NUTM2G: variants seen among roughly 807,000 people sequenced by gnomAD.
NUTM2G encodes the protein NUT family member 2G.
NUTM2G carries 29 observed loss-of-function variants against 44.3 expected under a neutral mutation model. The observed-to-expected ratio is 0.66, with a 90% confidence interval of 0.49 to 0.89. The LOEUF (loss-of-function observed/expected upper bound fraction) is 0.89, where lower values mean the gene tolerates loss of function less well. Among genes scored for constraint, NUTM2G ranks in the 40% least tolerant of loss-of-function variants. NUTM2G has a pLI of 0.00. For missense variants in NUTM2G, 502 were observed against 946.5 expected, an observed-to-expected ratio of 0.53 and a Z score of 6.16; for synonymous variants, 205 against 395.9, an observed-to-expected ratio of 0.52 and a Z score of 5.72.
chr9:96,930,900 T>G (rs1184046480), intron 1 of NUTM2G, among the ~76,000 whole-genome samples: 1 of 100,630 alleles, frequency 9.9e-6, no homozygotes, highest in Non-Finnish European at 1.9e-5. Context: ...TTTTTTTTTT[T>G]TTTTTTTTTT....
In NUTM2G at chr9:96,936,516, A is replaced by C. The variant is rs1225106444; in HGVS notation, c.934A>C (p.Arg312=). The change falls in exon 4 of 7, where the codon AGG becomes CGG. Residue 312 remains arginine (R), a synonymous_variant. Transcript: ENST00000372322. ...PQSLPPPAPP[R]LEPRGPPAPE... ...GAGCCTGCCTCCTCCAGCCCCGCCG[A>C]GGCTTGAACCTCGAGGACCCCCTGC... 1.3e-6 allele frequency: 2 copies of C among 1,552,746 alleles called. No homozygotes were observed. The highest frequency in any genetic ancestry group is 1.7e-6 in the Non-Finnish European group (2 of 1,156,872).
rs763022828 is a variant in NUTM2G at position 96,937,358 on chromosome 9, T to A, written c.1277T>A (p.Leu426Gln). The A allele has an allele frequency of 4.2e-5, 68 of 1,613,708 alleles. 1 individual carries two copies. Among genetic ancestry groups the A allele is most frequent in the South Asian group, 1.8e-4 (16 of 91,074 alleles). The change falls in exon 5 of 7, where the codon CTG becomes CAG. Residue 426 changes from leucine to glutamine, a missense_variant. By Grantham distance (113) the Leu-to-Gln change is moderately radical (BLOSUM62 -2). Coordinates refer to ENST00000372322, the MANE Select transcript of NUTM2G (RefSeq NM_001170741.3). ...EDGMTSDPGL[L>Q]SYIDKLCSQE... is the part of the protein sequence containing the mutation. ...GGGATGACCTCAGACCCGGGCCTCCTGAGCTACATTGACAAGCTGTGTTCC... is the reference window on the plus strand; with the variant it reads ...GGGATGACCTCAGACCCGGGCCTCCAGAGCTACATTGACAAGCTGTGTTCC...
intron 3 of NUTM2G, 99 bp from the exon 4 acceptor site, chr9:96,936,326 G>A (rs1356957039): frequency 1.3e-5 from 20 of 1,533,788 alleles, no homozygotes; most frequent in African/African-American, 2.7e-5. Flanking sequence ...ACAGCCCGCC[G>A]GAGGCACTCC....
chr9:96,931,835 G>C lies in NUTM2G; in HGVS notation c.130G>C (p.Val44Leu). 1.9e-6 allele frequency: 3 copies of C among 1,612,280 alleles called. No homozygotes were observed. The highest frequency in any genetic ancestry group is 1.7e-6 in the Non-Finnish European group (2 of 1,179,856). Reference sequence around the variant, plus strand: ...CGGCCCAACACACAGGCCGCCCCTCGTGACTGCAGTGGTTCCTCCAGCCGG... The same window carrying C: ...CGGCCCAACACACAGGCCGCCCCTCCTGACTGCAGTGGTTCCTCCAGCCGG... ...SPGPTHRPPL[V>L]TAVVPPAGPL... The change falls in exon 2 of 7, where the codon GTG becomes CTG. Residue 44 changes from valine to leucine, a missense_variant. Val to Leu is a conservative substitution (Grantham distance 32). Coordinates refer to ENST00000372322, the MANE Select transcript of NUTM2G (RefSeq NM_001170741.3).
intron 4 of NUTM2G, 73 bp downstream of exon 4, chr9:96,936,637 T>C (rs2257640): frequency 8.9e-5 from 135 of 1,509,270 alleles, no homozygotes; most frequent in African/African-American, 8.2e-4. Context: ...TGTCCCCACA[T>C]CCCATGCTTC....
Position 96,936,447 on chromosome 9 carries a change from G to C in NUTM2G, c.865G>C (p.Glu289Gln), listed in dbSNP as rs530272912. ...CAGGTTCCTGGAGTTTGAGGCTGAG[G>C]AGGAGATGCAGATTCAGAAATCGCA... ...AAKFLEFEAE[E>Q]EMQIQKSQWM... Residue 289 changes from glutamate (E) to glutamine (Q), a missense_variant, in exon 4 of 7, where the codon GAG (glutamate) becomes CAG (glutamine). Transcript: ENST00000372322. 11 of 1,577,284 alleles carry C rather than the reference G, an allele frequency of 7.0e-6. No individual in the cohort carries two copies. The South Asian group carries it at 1.1e-4, about 16-fold the overall frequency.
At chr9:96,930,871 G>GT (rs1310362219) in intron 1 of NUTM2G, among the ~76,000 whole-genome samples, 2 of 104,404 alleles carry the variant, frequency 1.9e-5, no homozygotes, top group Admixed American at 1.1e-4. Flanking sequence ...TCCATCCAGT[G>GT]GTTTTTTTTT....
At chr9:96,930,568 CCT>C (rs1345058688) in intron 1 of NUTM2G, among the ~76,000 whole-genome samples, 15 of 148,828 alleles carry the variant, frequency 1.0e-4, no homozygotes, top group East Asian at 7.9e-4. Context: ...AGACACCTCC[CCT>C]GATAGCCCTG....
At chr9:96,935,541 C>G (rs1248164979) in intron 3 of NUTM2G, 85 bp downstream of exon 3, 10 of 1,610,230 alleles carry the variant, frequency 6.2e-6, no homozygotes, top group Non-Finnish European at 8.5e-6. Flanking sequence ...GGCTTCTCAG[C>G]GTGGAGCATG....
chr9:96,940,775 G>A (rs1179051760), downstream of NUTM2G, among the ~76,000 whole-genome samples: 2 of 152,212 alleles, frequency 1.3e-5, no homozygotes, highest in African/African-American at 4.8e-5. Context: ...AGCCATGTTT[G>A]GGTTCTCTCT....
At chr9:96,936,031 G>A (rs1804642729) in intron 3 of NUTM2G, among the ~76,000 whole-genome samples, 1 of 149,556 alleles carries the variant, frequency 6.7e-6, no homozygotes, top group Non-Finnish European at 1.5e-5. Flanking sequence ...GGGTCTCCCG[G>A]GCCTCGTGTC....
chr9:96,937,136 C>T lies in NUTM2G; in HGVS notation c.1055C>T (p.Ala352Val), dbSNP rs199979789. Residue 352 changes from alanine (A) to valine (V), a missense_variant, in exon 5 of 7, where the codon GCG (alanine) becomes GTG (valine). By Grantham distance (64) the Ala-to-Val change is moderately conservative. Transcript: ENST00000372322. ...CLPPPRPQRPAETKAHLPPPR... is the reference protein window; with the variant it reads ...CLPPPRPQRPVETKAHLPPPR... ...CCACCACCCAGGCCCCAGAGGCCAG[C>T]GGAGACCAAGGCCCACCTGCCACCA... 2,230 of 1,611,820 alleles carry T rather than the reference C, an allele frequency of 1.4e-3. 23 individuals are homozygous for T. In the African/African-American group the frequency reaches 0.024, roughly 17 times the overall value.
intron 1 of NUTM2G, among the ~76,000 whole-genome samples, chr9:96,930,329 G>A (rs1416789894): frequency 5.3e-5 from 8 of 152,164 alleles, no homozygotes; most frequent in Non-Finnish European, 1.0e-4. Flanking sequence ...TTCAAGACCA[G>A]CCTGACCAAT....
chr9:96,937,146 G>A lies in NUTM2G; in HGVS notation c.1065G>A (p.Lys355=), dbSNP rs201133792. 6.2e-7 allele frequency: 1 copy of A among 1,611,920 alleles called. No homozygotes were observed. The highest frequency in any genetic ancestry group is 1.1e-5 in the South Asian group (1 of 90,996). ...PPRPQRPAET[K]AHLPPPRPPR... Reference sequence around the variant, plus strand: ...GGCCCCAGAGGCCAGCGGAGACCAAGGCCCACCTGCCACCACCCAGGCCCC... The same window carrying A: ...GGCCCCAGAGGCCAGCGGAGACCAAAGCCCACCTGCCACCACCCAGGCCCC... Residue 355 remains lysine (K), a synonymous_variant, in exon 5 of 7, where the codon AAG becomes AAA. Transcript: ENST00000372322.
In NUTM2G at chr9:96,935,308, C is replaced by G; in HGVS notation, c.714-20C>G. On this transcript the variant is annotated intron_variant, in intron 2 of 6. Coordinates refer to ENST00000372322, the MANE Select transcript of NUTM2G (RefSeq NM_001170741.3). ...TGGAGGGTGGGCTTACAGACTGGGA[C>G]TGACTGCACTGGTTTACAGCCCAGT... is the stretch of plus-strand genomic sequence containing the variant. 2 of 1,611,918 alleles carry G rather than the reference C, an allele frequency of 1.2e-6. No individual in the cohort carries two copies. Among genetic ancestry groups the G allele is most frequent in the Non-Finnish European group, 8.5e-7 (1 of 1,179,798 alleles).
intron 3 of NUTM2G, 69 bp from the exon 4 acceptor site, chr9:96,936,356 C>T (rs1826427770): frequency 6.5e-7 from 1 of 1,538,696 alleles, no homozygotes; most frequent in Non-Finnish European, 8.7e-7. Context: ...CTGCCCTCGG[C>T]TGCTGCCTGG....
intron 2 of NUTM2G, 128 bp downstream of exon 2, chr9:96,932,546 G>C: frequency 7.5e-7 from 1 of 1,331,746 alleles, no homozygotes; most frequent in East Asian, 2.4e-5. Context: ...TTGTGCTATG[G>C]GAAGGTACAT....
At chr9:96,929,153 T>C (rs1461613176) in intron 1 of NUTM2G, 113 bp downstream of exon 1, 14 of 1,563,284 alleles carry the variant, frequency 9.0e-6, no homozygotes, top group Admixed American at 6.7e-5. Context: ...GAGGGAGCAC[T>C]GGATGTCCCC....
chr9:96,935,488 G>A (rs750913992), intron 3 of NUTM2G, 32 bp downstream of exon 3: 3 of 1,611,968 alleles, frequency 1.9e-6, no homozygotes, highest in Admixed American at 1.7e-5. Flanking sequence ...CAGGGCCCGT[G>A]TGGCGGGGTG....
Sources: gnomAD v4.1 joint callset for allele counts (sites outside exome capture counted in the v4.1 genomes callset) on GRCh38, gnomAD v4.1.1 for gene constraint, MANE v1.5 for transcripts, NCBI Gene and HGNC (gene_info 2026-07-23, HGNC 2026-07-21) for gene names.